Variants in ATF2 observed in about 807,000 individuals in gnomAD.
The protein encoded by ATF2 is cyclic AMP-dependent transcription factor ATF-2.
ATF2 carries 24 observed loss-of-function variants against 60.6 expected under a neutral mutation model. The observed-to-expected ratio is 0.40, with a 90% CI of 0.29 to 0.56. The LOEUF is 0.56. Ranked by LOEUF, ATF2 falls within the 20% of genes least tolerant of loss-of-function variation. ATF2 has a pLI of 0.54. For synonymous variants in ATF2, 206 were observed against 215.4 expected, an observed-to-expected ratio of 0.96 and a Z score of 0.38; for missense variants, 433 against 607.7, an observed-to-expected ratio of 0.71 and a Z score of 3.02.
intron 12 of ATF2, among the ~76,000 whole-genome samples, chr2:175,091,443 C>T (rs1158340766): frequency 6.6e-6 from 1 of 151,938 alleles, no homozygotes; most frequent in Non-Finnish European, 1.5e-5. Context: ...AATAAATATT[C>T]TAACAGACTT....
chr2:175,164,845 A>T (rs553389893), intron 1 of ATF2, among the ~76,000 whole-genome samples: 51 of 152,312 alleles, frequency 3.3e-4, no homozygotes, highest in African/African-American at 1.2e-3. Flanking sequence ...TAACAATACT[A>T]AGTGAATTTT....
chr2:175,075,117 G>C (rs1693206328), intron 13 of ATF2: 3 of 1,193,980 alleles, frequency 2.5e-6, no homozygotes, highest in East Asian at 4.3e-5. Context: ...GAAAATGAGG[G>C]AGAGTTTGGA....
chr2:175,141,820 T>C (rs1034071586), intron 2 of ATF2, among the ~76,000 whole-genome samples: 5 of 151,990 alleles, frequency 3.3e-5, no homozygotes, highest in African/African-American at 7.3e-5. Context: ...CAAATGTGAA[T>C]CTACAAAAAT....
chr2:175,103,421 GA>G lies in ATF2; in HGVS notation c.829-5829del, dbSNP rs577269280. ...GTCACCCCACCCCCAGAGAACATAT[GA>G]AAATCAAGTAGGTTGAGAGAGGGTC... On this transcript the variant is annotated intron_variant, in intron 10 of 13. Transcript: ENST00000264110. 9.8e-4 allele frequency among the ~76,000 whole-genome samples: 149 copies of G among 152,228 alleles called. 2 individuals are homozygous for G. The highest frequency in any genetic ancestry group is 3.3e-3 in the African/African-American group (139 of 41,532).
At chr2:175,131,755 A>C (rs1697744818) in intron 3 of ATF2, among the ~76,000 whole-genome samples, 2 of 152,322 alleles carry the variant, frequency 1.3e-5, no homozygotes, top group South Asian at 4.1e-4. Context: ...ATGAGTGAGA[A>C]CAGTATGGCA....
intron 10 of ATF2, 152 bp from the exon 11 acceptor site, chr2:175,097,745 T>G: frequency 1.2e-6 from 1 of 817,650 alleles, no homozygotes; most frequent in Non-Finnish European, 1.9e-6. Flanking sequence ...CCTAGTGAAT[T>G]TTGAGAAAAT....
intron 1 of ATF2, among the ~76,000 whole-genome samples, chr2:175,160,927 A>G (rs970546442): frequency 3.3e-5 from 5 of 152,044 alleles, no homozygotes; most frequent in African/African-American, 1.2e-4. Context: ...GGTCCCAGCT[A>G]TTTGGGAGGC....
intron 9 of ATF2, among the ~76,000 whole-genome samples, chr2:175,113,269 CT>C (rs766911911): frequency 0.043 from 6,108 of 142,844 alleles, 106 homozygotes; most frequent in Admixed American, 0.099. Context: ...TAAACTATTA[CT>C]TTTTTTTTTT....
At chr2:175,136,356 T>G (rs1698143240) in intron 3 of ATF2, 56 bp downstream of exon 3, 1 of 1,541,988 alleles carries the variant, frequency 6.5e-7, no homozygotes, top group African/African-American at 1.4e-5. Context: ...GCTATAAAGA[T>G]TTTTACAACC....
intron 4 of ATF2, among the ~76,000 whole-genome samples, chr2:175,122,990 C>A (rs1373580508): frequency 3.9e-5 from 6 of 152,028 alleles, no homozygotes; most frequent in Non-Finnish European, 7.4e-5. Flanking sequence ...CTCTTCAGAA[C>A]CTGCCTGTAT....
chr2:175,116,099 G>C (rs560562167), intron 7 of ATF2, among the ~76,000 whole-genome samples: 2 of 152,220 alleles, frequency 1.3e-5, no homozygotes, highest in East Asian at 3.9e-4. Flanking sequence ...CAAGGAGTGT[G>C]AATTATTTTA....
chr2:175,117,065 C>T (rs1559082670), intron 7 of ATF2, among the ~76,000 whole-genome samples: 2 of 151,778 alleles, frequency 1.3e-5, no homozygotes, highest in African/African-American at 4.8e-5. Flanking sequence ...TAACTATTCA[C>T]TTATGTATTT....
In ATF2 at chr2:175,167,636, G is replaced by A. The variant is rs564173534; in HGVS notation, c.-143+414C>T. On this transcript the variant is annotated intron_variant, in intron 1 of 13. Coordinates refer to ENST00000264110, the MANE Select transcript of ATF2 (RefSeq NM_001880.4). ...CCTCTCCCCGCCCAACCCAAGGACT[G>A]TGGGTGGGAGAGGTCTCCCTGCGCA... is the stretch of plus-strand genomic sequence containing the variant. 3.6e-5 allele frequency: 18 copies of A among 496,098 alleles called. 3 individuals carry two copies. The highest frequency in any genetic ancestry group is 3.3e-4 in the African/African-American group (17 of 51,070). The allele number at this position is 496,098 out of a possible 1,614,324, so 30.7% of individuals were successfully genotyped here. A position where few individuals can be genotyped will look rare whatever the true frequency, so the allele number is the denominator to read the frequency against.
intron 12 of ATF2, among the ~76,000 whole-genome samples, chr2:175,081,112 C>T (rs563159645): frequency 6.9e-4 from 105 of 152,028 alleles, no homozygotes; most frequent in African/African-American, 2.2e-3. Context: ...AAAGAAACAT[C>T]AAGGGAGTCA....
intron 11 of ATF2, among the ~76,000 whole-genome samples, chr2:175,095,485 T>C (rs1465928999): frequency 1.3e-5 from 2 of 152,242 alleles, no homozygotes; most frequent in Non-Finnish European, 2.9e-5. Context: ...TAACTCATTA[T>C]AGCAAAGACT....
intron 1 of ATF2, among the ~76,000 whole-genome samples, chr2:175,161,104 G>T (rs1482804615): frequency 6.6e-6 from 1 of 152,146 alleles, no homozygotes; most frequent in Non-Finnish European, 1.5e-5. Flanking sequence ...TTAAAATAAG[G>T]ATATGCTATA....
chr2:175,167,387 G>A (rs1700429893), intron 1 of ATF2, among the ~76,000 whole-genome samples: 1 of 151,876 alleles, frequency 6.6e-6, no homozygotes, highest in East Asian at 1.9e-4. Context: ...CCGCCCCACC[G>A]GGAAAAAGCT....
At chr2:175,103,963 TC>T (rs1429077894) in intron 10 of ATF2, among the ~76,000 whole-genome samples, 1 of 151,984 alleles carries the variant, frequency 6.6e-6, no homozygotes, top group East Asian at 1.9e-4. Flanking sequence ...CATTTTTCGG[TC>T]CCTATCGACA....
chr2:175,110,571 T>C (rs1296497803), intron 10 of ATF2, among the ~76,000 whole-genome samples: 1 of 152,200 alleles, frequency 6.6e-6, no homozygotes, highest in Admixed American at 6.5e-5. Context: ...TATTGTATTA[T>C]AACACAGCAA....
Sources: gnomAD v4.1 joint callset for allele counts (sites outside exome capture counted in the v4.1 genomes callset) on GRCh38, gnomAD v4.1.1 for gene constraint, MANE v1.5 for transcripts, NCBI Gene and HGNC (gene_info 2026-07-23, HGNC 2026-07-21) for gene names.